The following RANBP10 variants were observed in gnomAD, a reference collection of about 807,000 sequenced individuals.
The protein encoded by RANBP10 is ran-binding protein 10.
In RANBP10, 24 loss-of-function variants were observed where a neutral mutation model predicts 72.8. The observed-to-expected ratio is 0.33, with a 90% CI of 0.24 to 0.46. The LOEUF (loss-of-function observed/expected upper bound fraction) is 0.46. Ranked by LOEUF, RANBP10 falls within the 20% of genes least tolerant of loss-of-function variation. The pLI is 1.00. For missense variants in RANBP10, 679 were observed against 817.5 expected (o/e 0.83, Z 2.07); for synonymous variants, 310 against 322.3 (o/e 0.96, Z 0.41).
Position 67,727,811 on chromosome 16 carries a change from T to C in RANBP10, c.1560A>G (p.Ala520=), listed in dbSNP as rs1317164036. The C allele has an allele frequency of 6.2e-7, 1 of 1,614,208 alleles. No homozygotes were observed. The highest frequency in any genetic ancestry group is 2.2e-5 in the East Asian group (1 of 44,880). ...ACTCCCGGCCCAACTGCTCACTCAA[T>C]GCCTGCAACTCGCGGCCAAACAGAA... is the stretch of plus-strand genomic sequence containing the variant. ...RIILFGRELQ[A]LSEQLGREYG... Residue 520 remains alanine, a synonymous_variant, in exon 12 of 14, where the codon GCA becomes GCG. Transcript: ENST00000317506.
In RANBP10 at chr16:67,729,204, G is replaced by A. The variant is rs570161842; in HGVS notation, c.1352+76C>T. ...GGAGGCTGGGGGTGAAGGGCAGGGCGCTCAAAGGACAGACTGCAATGGGCC... is the reference window on the plus strand; with the variant it reads ...GGAGGCTGGGGGTGAAGGGCAGGGCACTCAAAGGACAGACTGCAATGGGCC... On this transcript the variant is annotated intron_variant, in intron 10 of 13. Transcript: ENST00000317506. The surrounding 1 kb of genome is among the most constrained non-coding windows in gnomAD (Gnocchi z 7.1). 3.2e-5 allele frequency: 50 copies of A among 1,564,080 alleles called. No homozygotes were observed. Among genetic ancestry groups the A allele is most frequent in the Non-Finnish European group, 3.6e-5 (42 of 1,154,444 alleles).
At chr16:67,746,783 CAT>C (rs1437979456) in intron 3 of RANBP10, among the ~76,000 whole-genome samples, 2 of 152,180 alleles carry the variant, frequency 1.3e-5, no homozygotes, top group Admixed American at 6.5e-5. Flanking sequence ...AATCATAGAA[CAT>C]GAGGTGTCTT....
intron 3 of RANBP10, among the ~76,000 whole-genome samples, chr16:67,754,849 T>A (rs1159630948): frequency 1.3e-5 from 2 of 152,148 alleles, no homozygotes; most frequent in African/African-American, 4.8e-5. Context: ...CTGGTTCCCT[T>A]CTCTACAAAA....
chr16:67,775,268 G>A (rs949444362), intron 2 of RANBP10, among the ~76,000 whole-genome samples: 1 of 151,994 alleles, frequency 6.6e-6, no homozygotes, highest in Non-Finnish European at 1.5e-5. Flanking sequence ...CCAAGATCAG[G>A]CCACTGCATT....
At chr16:67,749,048 A>G (rs902687381) in intron 3 of RANBP10, among the ~76,000 whole-genome samples, 13 of 152,154 alleles carry the variant, frequency 8.5e-5, no homozygotes, top group Non-Finnish European at 1.6e-4. Flanking sequence ...CATTCACAGC[A>G]CATGTTGTGT....
chr16:67,785,203 G>T (rs945297042), intron 2 of RANBP10, among the ~76,000 whole-genome samples: 1 of 151,556 alleles, frequency 6.6e-6, no homozygotes, highest in Non-Finnish European at 1.5e-5. Context: ...CAGATCGAGA[G>T]TCGGTCTCAA....
At chr16:67,791,158 C>T (rs1220805244) in intron 2 of RANBP10, among the ~76,000 whole-genome samples, 1 of 151,760 alleles carries the variant, frequency 6.6e-6, no homozygotes, top group Non-Finnish European at 1.5e-5. Context: ...GGACTGTAGG[C>T]GTGTGCGACC....
At chr16:67,789,615 A>G (rs961838612) in intron 2 of RANBP10, among the ~76,000 whole-genome samples, 11 of 151,400 alleles carry the variant, frequency 7.3e-5, no homozygotes, top group African/African-American at 2.7e-4. Context: ...GATTATAGGC[A>G]CACACCACCA....
intron 3 of RANBP10, among the ~76,000 whole-genome samples, chr16:67,757,324 C>A (rs1323361570): frequency 6.6e-6 from 1 of 152,166 alleles, no homozygotes; most frequent in East Asian, 1.9e-4. Flanking sequence ...TAATGAATGG[C>A]CACCGACGGC....
intron 2 of RANBP10, among the ~76,000 whole-genome samples, chr16:67,775,241 G>C (rs1486631154): frequency 2.0e-5 from 3 of 152,056 alleles, no homozygotes; most frequent in African/African-American, 7.2e-5. Context: ...AACCCTAGAG[G>C]CCGAGGTTGC....
chr16:67,742,420 A>G (rs1216703621), intron 4 of RANBP10, among the ~76,000 whole-genome samples: 1 of 152,258 alleles, frequency 6.6e-6, no homozygotes, highest in Non-Finnish European at 1.5e-5. Context: ...AGGTGTTGAC[A>G]GGCTGGAAAA....
At chr16:67,783,664 A>G (rs565519413) in intron 2 of RANBP10, among the ~76,000 whole-genome samples, 6 of 152,304 alleles carry the variant, frequency 3.9e-5, no homozygotes, top group African/African-American at 1.4e-4. Context: ...CTTCACAGAA[A>G]AATGTCTGTG....
At position 67,723,144 on chromosome 16, in the gene RANBP10, C is replaced by T. The variant is rs1196469793; in HGVS notation, c.*3284G>A. 6.6e-6 allele frequency: 1 copy of T among 152,302 alleles called. No individual in the cohort carries two copies. Among genetic ancestry groups the T allele is most frequent in the Non-Finnish European group, 1.5e-5 (1 of 67,988 alleles). The allele number at this position is 152,302 out of a possible 1,614,324, so 9.4% of individuals were successfully genotyped here. A position where few individuals can be genotyped will look rare whatever the true frequency, so the allele number is the denominator to read the frequency against. On this transcript the variant is annotated 3_prime_UTR_variant, in exon 14 of 14. Transcript: ENST00000317506. The stretch of plus-strand genomic sequence containing the variant: ...GAGTTTTTTTTTTGTCTCTCAAGTA[C>T]AATTTTAATAAGATGTTTTGTGTTA...
intron 4 of RANBP10, among the ~76,000 whole-genome samples, chr16:67,743,496 C>G (rs1480702974): frequency 2.0e-5 from 3 of 152,190 alleles, no homozygotes; most frequent in Non-Finnish European, 2.9e-5. Flanking sequence ...CTCTCAAGCC[C>G]TAATCCTAAA....
At chr16:67,770,553 A>G (rs1438704611) in intron 3 of RANBP10, among the ~76,000 whole-genome samples, 2 of 152,200 alleles carry the variant, frequency 1.3e-5, no homozygotes, top group Non-Finnish European at 2.9e-5. Flanking sequence ...CACAAAGAGC[A>G]GGAGGCCAAG....
intron 3 of RANBP10, among the ~76,000 whole-genome samples, chr16:67,767,001 A>T (rs912578285): frequency 6.6e-6 from 1 of 152,212 alleles, no homozygotes; most frequent in Non-Finnish European, 1.5e-5. Context: ...TGAAACAAAG[A>T]CAAGTGCAAT....
At chr16:67,805,382 G>A (rs1237506147) in intron 2 of RANBP10, 46 bp downstream of exon 2, 2 of 1,543,824 alleles carry the variant, frequency 1.3e-6, no homozygotes, top group East Asian at 2.3e-5. Context: ...TGACCACAGG[G>A]ATCAGCTCCA....
At chr16:67,798,058 G>C (rs896754040) in intron 2 of RANBP10, among the ~76,000 whole-genome samples, 1 of 149,860 alleles carries the variant, frequency 6.7e-6, no homozygotes, top group Non-Finnish European at 1.5e-5. Flanking sequence ...CTTACCCCGT[G>C]TTCCAGAACC....
chr16:67,796,268 G>A (rs987707375), intron 2 of RANBP10, among the ~76,000 whole-genome samples: 10 of 152,108 alleles, frequency 6.6e-5, no homozygotes, highest in African/African-American at 2.4e-4. Context: ...ACTGGTGCAA[G>A]TTGTTATAAA....
Sources: gnomAD v4.1 joint callset for allele counts (sites outside exome capture counted in the v4.1 genomes callset) on GRCh38, gnomAD v4.1.1 for gene constraint, Gnocchi (gnomAD v3.1) non-coding constraint, MANE v1.5 for transcripts, NCBI Gene and HGNC (gene_info 2026-07-23, HGNC 2026-07-21) for gene names.